CNTNAP2: variants seen among roughly 807,000 people sequenced by gnomAD.
CNTNAP2 encodes the protein contactin associated protein 2.
Under a neutral mutation model 155.2 loss-of-function variants are expected in CNTNAP2, and 98 were observed. That is an observed-to-expected ratio of 0.63 (90% CI 0.54 to 0.75). The LOEUF is 0.75. CNTNAP2 is among the 30% of genes least tolerant of loss of function. The pLI is 0.00. For synonymous variants in CNTNAP2, 651 were observed against 631.2 expected (o/e 1.03, Z -0.47); for missense variants, 1,727 against 1,688.1 (o/e 1.02, Z -0.40).
At chr7:146,196,135 A>G (rs1442026366) in intron 1 of CNTNAP2, among the ~76,000 whole-genome samples, 1 of 152,216 alleles carries the variant, frequency 6.6e-6, no homozygotes, top group Non-Finnish European at 1.5e-5. Context: ...CTCATGCACA[A>G]TTACATTTGA....
intron 16 of CNTNAP2, among the ~76,000 whole-genome samples, chr7:148,138,940 A>C (rs1196240512): frequency 6.6e-6 from 1 of 152,216 alleles, no homozygotes; most frequent in Non-Finnish European, 1.5e-5. Flanking sequence ...TGCATAGAAA[A>C]ACTAAAATTA....
In CNTNAP2 at chr7:146,535,388, ATGAT is replaced by A. The variant is rs1220249984; in HGVS notation, c.98-238882_98-238879del. Among the ~76,000 whole-genome samples, 4 of 72,490 alleles carry A rather than the reference ATGAT, an allele frequency of 5.5e-5. No homozygotes were observed. The East Asian group carries it at 1.6e-3, about 29-fold the overall frequency. 47.6% of individuals were successfully genotyped at this position (72,490 alleles called of 152,430 possible). ...ATGTATATTATATATGATATAATAT[ATGAT>A]ATATATATTATATATGATATAATAT... On this transcript the variant is annotated intron_variant, in intron 1 of 23. Transcript: ENST00000361727.
rs180745945 is a variant in CNTNAP2 at position 146,814,648 on chromosome 7, C to A, written c.209-25063C>A. On this transcript the variant is annotated intron_variant, in intron 2 of 23. Coordinates refer to ENST00000361727, the MANE Select transcript of CNTNAP2 (RefSeq NM_014141.6). ...TTAAACAGTTCGAATTACAGTAGAA[C>A]CACCAAGAATTCTGAAAACCCAGTA... is the stretch of plus-strand genomic sequence containing the variant. Among the ~76,000 whole-genome samples, 16 of 152,188 alleles carry A rather than the reference C, an allele frequency of 1.1e-4. No homozygotes were observed. The South Asian group carries it at 1.5e-3, about 14-fold the overall frequency.
At chr7:146,274,884 C>A (rs1441351079) in intron 1 of CNTNAP2, among the ~76,000 whole-genome samples, 1 of 151,524 alleles carries the variant, frequency 6.6e-6, no homozygotes, top group Admixed American at 6.6e-5. Flanking sequence ...TAGTTTTTAT[C>A]TCAGTGAAAT....
intron 1 of CNTNAP2, among the ~76,000 whole-genome samples, chr7:146,752,003 C>G (rs1038622487): frequency 5.3e-5 from 8 of 152,082 alleles, no homozygotes; most frequent in Admixed American, 5.2e-4. Flanking sequence ...TATGTGCCAC[C>G]TTTTCTTTAT....
intron 14 of CNTNAP2, among the ~76,000 whole-genome samples, chr7:147,935,780 A>T (rs951263048): frequency 2.0e-5 from 3 of 152,312 alleles, no homozygotes; most frequent in Middle Eastern, 3.4e-3. Context: ...ATAGCAAAAA[A>T]ATTAACTATA....
At chr7:147,801,905 G>A (rs1164886875) in intron 13 of CNTNAP2, among the ~76,000 whole-genome samples, 2 of 150,314 alleles carry the variant, frequency 1.3e-5, no homozygotes, top group Non-Finnish European at 3.0e-5. Context: ...GGGCAGCCGG[G>A]CAGAGGCGCC....
intron 11 of CNTNAP2, among the ~76,000 whole-genome samples, chr7:147,495,373 C>G (rs978597260): frequency 6.6e-6 from 1 of 152,140 alleles, no homozygotes; most frequent in Non-Finnish European, 1.5e-5. Context: ...TAGCTTGAAC[C>G]AGACCACAGT....
intron 1 of CNTNAP2, among the ~76,000 whole-genome samples, chr7:146,490,705 A>G (rs1041810947): frequency 1.3e-5 from 2 of 152,220 alleles, no homozygotes; most frequent in African/African-American, 4.8e-5. Context: ...TTAGGTAAAA[A>G]TAAGTTCATA....
At chr7:147,459,901 C>G (rs1284682020) in intron 10 of CNTNAP2, among the ~76,000 whole-genome samples, 1 of 152,056 alleles carries the variant, frequency 6.6e-6, no homozygotes, top group Non-Finnish European at 1.5e-5. Context: ...AACAGGAAAC[C>G]AAACACCGCA....
intron 15 of CNTNAP2, among the ~76,000 whole-genome samples, chr7:148,009,730 C>T (rs893838516): frequency 2.0e-5 from 3 of 150,592 alleles, no homozygotes; most frequent in African/African-American, 7.4e-5. Flanking sequence ...TTGCTATTTA[C>T]ATTCAAACAA....
At chr7:147,711,000 A>G (rs1012634604) in intron 13 of CNTNAP2, among the ~76,000 whole-genome samples, 102 of 152,254 alleles carry the variant, frequency 6.7e-4, no homozygotes, top group African/African-American at 2.2e-3. Context: ...GGGTTCATCT[A>G]TTTGCTACTC....
At chr7:147,236,381 C>T (rs1302220225) in intron 8 of CNTNAP2, among the ~76,000 whole-genome samples, 1 of 151,742 alleles carries the variant, frequency 6.6e-6, no homozygotes, top group Non-Finnish European at 1.5e-5. Flanking sequence ...GTGTCACCTA[C>T]TGAGTTTTCA....
intron 13 of CNTNAP2, among the ~76,000 whole-genome samples, chr7:147,699,927 C>T (rs1796211086): frequency 6.6e-6 from 1 of 152,316 alleles, no homozygotes; most frequent in Admixed American, 6.5e-5. Context: ...TAAATGGAAT[C>T]ACACAATATG....
At chr7:146,516,690 CA>C (rs1191819195) in intron 1 of CNTNAP2, among the ~76,000 whole-genome samples, 11 of 151,860 alleles carry the variant, frequency 7.2e-5, no homozygotes, top group Non-Finnish European at 1.5e-4. Context: ...GGCCAAATCC[CA>C]AAACACTCCT....
chr7:147,706,282 G>A (rs1048178480), intron 13 of CNTNAP2, among the ~76,000 whole-genome samples: 1 of 151,208 alleles, frequency 6.6e-6, no homozygotes, highest in South Asian at 2.1e-4. Context: ...TCACTTCCAG[G>A]TGTAGGACTC....
chr7:146,399,815 A>C (rs1795688104), intron 1 of CNTNAP2, among the ~76,000 whole-genome samples: 1 of 152,130 alleles, frequency 6.6e-6, no homozygotes, highest in Admixed American at 6.6e-5. Flanking sequence ...CGCCCTTGCC[A>C]CATTCTTGCA....
intron 20 of CNTNAP2, among the ~76,000 whole-genome samples, chr7:148,255,986 A>G (rs1796447414): frequency 1.3e-5 from 2 of 152,184 alleles, no homozygotes; most frequent in Non-Finnish European, 2.9e-5. Context: ...AAAGATGGTG[A>G]TAAACTACAT....
chr7:147,931,912 G>T (rs1002890947), intron 14 of CNTNAP2, among the ~76,000 whole-genome samples: 2 of 151,588 alleles, frequency 1.3e-5, no homozygotes, highest in Non-Finnish European at 2.9e-5. Context: ...TTGAGACAGG[G>T]TCTCATTATA....
Sources: allele counts gnomAD v4.1 joint callset (sites outside exome capture counted in the v4.1 genomes callset), GRCh38; gene constraint gnomAD v4.1.1; transcripts MANE v1.5; gene names NCBI Gene and HGNC (gene_info 2026-07-23, HGNC 2026-07-21).